Variants in ANO1 observed in about 807,000 individuals in gnomAD.
ANO1 encodes anoctamin-1.
Under a neutral mutation model 124.0 loss-of-function variants are expected in ANO1, and 59 were observed. The ratio of observed to expected loss-of-function variants is 0.48; its 90% CI spans 0.39 to 0.59. ANO1 has a LOEUF of 0.59. Ranked by LOEUF, ANO1 falls within the 20% of genes least tolerant of loss-of-function variation. ANO1 has a pLI of 0.00. For synonymous variants in ANO1, 529 were observed against 532.0 expected, an observed-to-expected ratio of 0.99 and a Z score of 0.08; for missense variants, 1,059 against 1,328.0, an observed-to-expected ratio of 0.80 and a Z score of 3.15.
intron 7 of ANO1, among the ~76,000 whole-genome samples, chr11:70,114,414 T>C (rs2045901855): frequency 6.6e-6 from 1 of 152,226 alleles, no homozygotes; most frequent in Non-Finnish European, 1.5e-5. Context: ...CGTGCACCCA[T>C]GTCCTTACCC....
chr11:70,138,899 C>T (rs992433898), intron 11 of ANO1, among the ~76,000 whole-genome samples: 1 of 152,050 alleles, frequency 6.6e-6, no homozygotes, highest in African/African-American at 2.4e-5. Context: ...GCACAGTACC[C>T]GACAGATAGT....
At chr11:70,105,887 G>A (rs569311678) in intron 5 of ANO1, 99 bp downstream of exon 5, 156 of 1,236,350 alleles carry the variant, frequency 1.3e-4, no homozygotes, top group Admixed American at 5.7e-4. Flanking sequence ...GGTGGAAGCC[G>A]GCTCTAATTG....
At chr11:70,155,668 G>C (rs1275357659) in intron 14 of ANO1, among the ~76,000 whole-genome samples, 1 of 152,210 alleles carries the variant, frequency 6.6e-6, no homozygotes, top group Non-Finnish European at 1.5e-5. Flanking sequence ...TGGAGGGTGC[G>C]TGCTGGAGTC....
chr11:70,158,386 G>T (rs901687396), intron 16 of ANO1, among the ~76,000 whole-genome samples: 2 of 152,242 alleles, frequency 1.3e-5, no homozygotes, highest in African/African-American at 2.4e-5. Flanking sequence ...CCGAGTCCTG[G>T]TACTGGAGCC....
chr11:69,971,700 A>G, the ANO1 span, among the ~76,000 whole-genome samples: 1 of 152,032 alleles, frequency 6.6e-6, no homozygotes, highest in African/African-American at 2.4e-5. Context: ...AGAGAATCAA[A>G]GCTCACCCTC....
At chr11:70,119,123 G>A (rs111211130) in intron 8 of ANO1, among the ~76,000 whole-genome samples, 21 of 150,398 alleles carry the variant, frequency 1.4e-4, no homozygotes, top group African/African-American at 4.9e-4. Flanking sequence ...ATGGATGATG[G>A]GTGAGTGGGT....
intron 1 of ANO1, chr11:70,018,280 C>T (rs1019659662): frequency 6.6e-6 from 1 of 152,276 alleles, no homozygotes; most frequent in African/African-American, 2.4e-5. Flanking sequence ...TCTCTTGAGT[C>T]CAGGAGGTCG....
chr11:69,980,139 G>C, the ANO1 span, among the ~76,000 whole-genome samples: 3 of 152,134 alleles, frequency 2.0e-5, no homozygotes, highest in African/African-American at 7.2e-5. Context: ...TGAACCTTGA[G>C]GACATTACAC....
intron 2 of ANO1, among the ~76,000 whole-genome samples, chr11:70,096,365 G>T (rs188592447): frequency 6.6e-6 from 1 of 152,122 alleles, no homozygotes; most frequent in Non-Finnish European, 1.5e-5. Context: ...CACCCGTATC[G>T]GTCCGTGGCC....
intron 20 of ANO1, 148 bp downstream of exon 20, chr11:70,165,718 G>C (rs1590901769): frequency 2.9e-6 from 2 of 694,716 alleles, no homozygotes; most frequent in East Asian, 5.5e-5. Flanking sequence ...ACAGAGGGAA[G>C]GTGGGGCAAA....
At chr11:69,997,914 C>T (rs1174068621) in intron 1 of ANO1, among the ~76,000 whole-genome samples, 1 of 152,210 alleles carries the variant, frequency 6.6e-6, no homozygotes, top group Non-Finnish European at 1.5e-5. Flanking sequence ...CCTGTACAGC[C>T]TGCGGAGCCA....
chr11:70,118,869 G>A (rs2046114491), intron 8 of ANO1, among the ~76,000 whole-genome samples: 1 of 150,984 alleles, frequency 6.6e-6, no homozygotes, highest in Admixed American at 6.6e-5. Context: ...GATGAATGAT[G>A]GATGATGGGT....
chr11:70,131,334 C>T (rs2046749964), intron 10 of ANO1, among the ~76,000 whole-genome samples: 2 of 133,452 alleles, frequency 1.5e-5, no homozygotes, highest in South Asian at 2.4e-4. Flanking sequence ...TGTGTGTGTG[C>T]GCGTCTGTGT....
At chr11:69,981,816 C>G (rs1344655991), upstream of ANO1, among the ~76,000 whole-genome samples, 3 of 152,136 alleles carry the variant, frequency 2.0e-5, no homozygotes, top group Non-Finnish European at 4.4e-5. Context: ...AATGGATAAA[C>G]AAATTGTAGT....
At chr11:70,116,238 G>A (rs2045969824) in intron 7 of ANO1, among the ~76,000 whole-genome samples, 1 of 152,214 alleles carries the variant, frequency 6.6e-6, no homozygotes, top group African/African-American at 2.4e-5. Context: ...TCCTGGTGGT[G>A]GAGGCCAACA....
At chr11:70,167,201 A>G in intron 20 of ANO1, 41 bp from the exon 21 acceptor site, 3 of 1,604,464 alleles carry the variant, frequency 1.9e-6, no homozygotes, top group Non-Finnish European at 1.7e-6. Context: ...CCCCAAATTC[A>G]CCCTCCTGCA....
chr11:70,075,020 G>C (rs2044041124), upstream of ANO1: 1 of 152,242 alleles, frequency 6.6e-6, no homozygotes, highest in African/African-American at 2.4e-5. Flanking sequence ...AGGAAATCTA[G>C]GCACACCAAG....
At chr11:70,074,769 G>A (rs77754408), upstream of ANO1, among the ~76,000 whole-genome samples, 249 of 152,314 alleles carry the variant, frequency 1.6e-3, 2 homozygotes, top group African/African-American at 5.7e-3. Context: ...TCTCATGGGT[G>A]GGTAGAGGTC....
At chr11:70,063,607 A>G (rs1202306994) in intron 1 of ANO1, 1 of 152,322 alleles carries the variant, frequency 6.6e-6, no homozygotes, top group African/African-American at 2.4e-5. Context: ...GATCCTCTGA[A>G]GATGGGGATT....
Sources: allele counts gnomAD v4.1 joint callset (sites outside exome capture counted in the v4.1 genomes callset), GRCh38; gene constraint gnomAD v4.1.1; transcripts MANE v1.5; gene names NCBI Gene and HGNC (gene_info 2026-07-23, HGNC 2026-07-21).